The following MRPS27 variants were observed in gnomAD, a reference collection of about 807,000 sequenced individuals.
MRPS27 encodes the protein small ribosomal subunit protein mS27.
A neutral mutation model predicts 48.9 loss-of-function variants in MRPS27; 43 were observed. The ratio of observed to expected loss-of-function variants is 0.88; its 90% CI spans 0.69 to 1.13. The LOEUF (loss-of-function observed/expected upper bound fraction) is 1.13. Among genes scored for constraint, MRPS27 ranks in the 50% most tolerant of loss-of-function variants. The pLI is 0.00. For missense variants in MRPS27, 467 were observed against 476.3 expected, an observed-to-expected ratio of 0.98 and a Z score of 0.18; for synonymous variants, 188 against 171.9, an observed-to-expected ratio of 1.09 and a Z score of -0.73.
In MRPS27 at chr5:72,221,152, T is replaced by C. The variant is rs752679111; in HGVS notation, c.1006-4A>G. 42 of 1,612,804 alleles carry C rather than the reference T, an allele frequency of 2.6e-5. No homozygotes were observed. Among genetic ancestry groups the C allele is most frequent in the Non-Finnish European group, 1.7e-6 (2 of 1,179,602 alleles). ...CTTGAAGCTTAGAATGTAAGGCCTG[T>C]TGGAAACAAATGGGAAAAATGAGAA... On this transcript the variant is annotated splice_polypyrimidine_tract_variant and splice_region_variant and intron_variant, in intron 10 of 10. Coordinates refer to ENST00000261413, the MANE Select transcript of MRPS27 (RefSeq NM_015084.3).
rs1053009588 is a variant in MRPS27, at chr5:72,221,054, C to T, written c.1100G>A (p.Cys367Tyr). The T allele has an allele frequency of 2.5e-6, 4 of 1,614,220 alleles. No individual in the cohort carries two copies. Among genetic ancestry groups the T allele is most frequent in the South Asian group, 1.1e-5 (1 of 91,084 alleles). Residue 367 changes from cysteine to tyrosine, a missense_variant, in exon 11 of 11, where the codon TGT becomes TAT. Cys to Tyr is a radical substitution (Grantham distance 194, BLOSUM62 -2). Transcript: ENST00000261413. ...ATAGGTGGCGATGTCCTCTGCTTCA[C>T]AGGTGGAGAGTTTTTCCTTGACAAG... ...TQLVKEKLST[C>Y]EAEDIATYEQ... is the part of the protein sequence containing the mutation.
rs376366056 is a variant in MRPS27 at position 72,287,640 on chromosome 5, A to AAAAC, written c.281+7887_281+7890dup. ...CATGACAGAGACTCCATCTCAATAA[A>AAAAC]AAACAAACAAACAAACAAAAAAAAT... On this transcript the variant is annotated intron_variant, in intron 4 of 10. Transcript: ENST00000261413. Among the ~76,000 whole-genome samples, 565 of 152,338 alleles carry AAAAC rather than the reference A, an allele frequency of 3.7e-3. 1 individual carries two copies. Among genetic ancestry groups the AAAAC allele is most frequent in the African/African-American group, 0.013 (550 of 41,574 alleles).
At chr5:72,290,788 T>C (rs550346450) in intron 4 of MRPS27, among the ~76,000 whole-genome samples, 3 of 152,340 alleles carry the variant, frequency 2.0e-5, no homozygotes, top group African/African-American at 7.2e-5. Flanking sequence ...ACATGGGATA[T>C]AAAAATTCTT....
intron 4 of MRPS27, among the ~76,000 whole-genome samples, chr5:72,245,764 C>T (rs560622501): frequency 6.6e-6 from 1 of 152,054 alleles, no homozygotes; most frequent in African/African-American, 2.4e-5. Context: ...CAGTGTTGAG[C>T]AGATTTATAT....
At chr5:72,309,624 T>C (rs1259614725) in intron 2 of MRPS27, among the ~76,000 whole-genome samples, 5 of 152,200 alleles carry the variant, frequency 3.3e-5, no homozygotes, top group African/African-American at 1.2e-4. Flanking sequence ...TCCATGACAA[T>C]GTTCCCTGGA....
At chr5:72,295,059 G>C (rs1015370301) in intron 4 of MRPS27, among the ~76,000 whole-genome samples, 1 of 152,058 alleles carries the variant, frequency 6.6e-6, no homozygotes, top group Non-Finnish European at 1.5e-5. Flanking sequence ...GTTTGTGTGT[G>C]TGTGTATAAA....
chr5:72,249,620 G>C (rs1379240547), intron 4 of MRPS27, among the ~76,000 whole-genome samples: 1 of 152,078 alleles, frequency 6.6e-6, no homozygotes, highest in African/African-American at 2.4e-5. Context: ...GGGAGGCAGA[G>C]GTTGCAGTGA....
At chr5:72,267,036 C>T (rs1437205984) in intron 4 of MRPS27, among the ~76,000 whole-genome samples, 1 of 152,124 alleles carries the variant, frequency 6.6e-6, no homozygotes, top group Admixed American at 6.6e-5. Flanking sequence ...ATCTAAAGTG[C>T]TTCAACTTTT....
chr5:72,306,795 T>TA (rs1456703959), intron 2 of MRPS27, among the ~76,000 whole-genome samples: 2 of 152,238 alleles, frequency 1.3e-5, no homozygotes, highest in South Asian at 2.1e-4. Context: ...AAAGTACATA[T>TA]AAAAAAACCC....
At chr5:72,266,445 C>T (rs1253205424) in intron 4 of MRPS27, among the ~76,000 whole-genome samples, 1 of 152,182 alleles carries the variant, frequency 6.6e-6, no homozygotes, top group African/African-American at 2.4e-5. Flanking sequence ...TGAAGGCTGC[C>T]AAAGTGGCAC....
chr5:72,295,858 T>C (rs1428961626), intron 3 of MRPS27, among the ~76,000 whole-genome samples: 1 of 152,220 alleles, frequency 6.6e-6, no homozygotes. Context: ...AACATGAACC[T>C]TGCTCAGAAC....
intron 4 of MRPS27, among the ~76,000 whole-genome samples, chr5:72,243,511 G>T (rs1363929196): frequency 6.6e-6 from 1 of 152,062 alleles, no homozygotes; most frequent in Non-Finnish European, 1.5e-5. Context: ...GTTTAATACA[G>T]AAATCGATAA....
chr5:72,295,423 AAT>A lies in MRPS27; in HGVS notation c.281+106_281+107del. 6.4e-6 allele frequency: 5 copies of A among 778,902 alleles called. No individual in the cohort carries two copies. The South Asian group carries it at 8.6e-5, about 13-fold the overall frequency. 48.2% of individuals were successfully genotyped at this position (778,902 alleles called of 1,614,324 possible). On this transcript the variant is annotated intron_variant, in intron 4 of 10. Coordinates refer to ENST00000261413, the MANE Select transcript of MRPS27 (RefSeq NM_015084.3). Reference sequence around the variant, plus strand: ...TATACTCATATGAAAAGATCTTTAAAATATAAACTTAGAAGGTGTCAAAATTA... The same window carrying A: ...TATACTCATATGAAAAGATCTTTAAAATAAACTTAGAAGGTGTCAAAATTA...
rs1747817485 is a variant in MRPS27 at position 72,223,747 on chromosome 5, A to G, written c.941T>C (p.Val314Ala). The G allele has an allele frequency of 3.7e-6, 6 of 1,613,994 alleles. No homozygotes were observed. The highest frequency in any genetic ancestry group is 5.1e-6 in the Non-Finnish European group (6 of 1,179,944). Residue 314 changes from valine to alanine, a missense_variant, in exon 10 of 11, where the codon GTG becomes GCG. Val to Ala is a moderately conservative substitution (Grantham distance 64). Coordinates refer to ENST00000261413, the MANE Select transcript of MRPS27 (RefSeq NM_015084.3). ...DEDNQGSEKL[V>A]EQLDIEETEQ... is the part of the protein sequence containing the mutation. ...TGTTTCCTCGATGTCTAACTGCTCCACCAGTTTTTCTGACCCCTGGTTGTC... is the reference window on the plus strand; with the variant it reads ...TGTTTCCTCGATGTCTAACTGCTCCGCCAGTTTTTCTGACCCCTGGTTGTC...
intron 2 of MRPS27, among the ~76,000 whole-genome samples, chr5:72,303,146 T>C (rs1750166489): frequency 6.6e-6 from 1 of 152,102 alleles, no homozygotes; most frequent in Non-Finnish European, 1.5e-5. Context: ...GAGAAAAGGG[T>C]TAAAGAATAG....
intron 1 of MRPS27, among the ~76,000 whole-genome samples, chr5:72,316,815 A>G (rs1214207703): frequency 6.6e-6 from 1 of 151,796 alleles, no homozygotes; most frequent in Non-Finnish European, 1.5e-5. Flanking sequence ...GGATCACCTG[A>G]GGTCGGGAGT....
intron 4 of MRPS27, among the ~76,000 whole-genome samples, chr5:72,253,073 G>C (rs980258075): frequency 3.3e-5 from 5 of 152,146 alleles, no homozygotes; most frequent in African/African-American, 1.2e-4. Flanking sequence ...TCTACTTTGG[G>C]AATCATGCTG....
At chr5:72,295,647 T>G (rs1384111004) in intron 3 of MRPS27, 58 bp from the exon 4 acceptor site, 17 of 1,355,984 alleles carry the variant, frequency 1.3e-5, no homozygotes, top group Non-Finnish European at 1.5e-5. Context: ...ATATTTGGCC[T>G]AGGGCCTAGA....
At chr5:72,237,947 C>A in intron 5 of MRPS27, 67 bp downstream of exon 5, 1 of 1,126,468 alleles carries the variant, frequency 8.9e-7, no homozygotes, top group Admixed American at 1.7e-5. Context: ...TGCTGTACTA[C>A]AATAGGTACA....
Sources: allele counts gnomAD v4.1 joint callset (sites outside exome capture counted in the v4.1 genomes callset), GRCh38; gene constraint gnomAD v4.1.1; transcripts MANE v1.5; gene names NCBI Gene and HGNC (gene_info 2026-07-23, HGNC 2026-07-21).